The following KIAA1217 variants were observed in gnomAD, a reference collection of about 807,000 sequenced individuals.
KIAA1217 encodes sickle tail protein homolog.
KIAA1217 carries 88 observed loss-of-function variants against 163.9 expected under a neutral mutation model. The observed-to-expected ratio is 0.54, with a 90% CI of 0.45 to 0.64. The LOEUF (loss-of-function observed/expected upper bound fraction) is 0.64, where lower values mean the gene tolerates loss of function less well. Ranked by LOEUF, KIAA1217 falls within the 30% of genes least tolerant of loss-of-function variation. KIAA1217 has a pLI of 0.00. For synonymous variants in KIAA1217, 903 were observed against 923.1 expected (o/e 0.98, Z 0.39); for missense variants, 2,372 against 2,475.0 (o/e 0.96, Z 0.88).
chr10:24,027,484 T>C (rs1340957933), intron 2 of KIAA1217, among the ~76,000 whole-genome samples: 6 of 152,206 alleles, frequency 3.9e-5, no homozygotes, highest in Admixed American at 3.9e-4. Context: ...AGTCATATTA[T>C]GTTTCATCAT....
intron 8 of KIAA1217, among the ~76,000 whole-genome samples, chr10:24,501,096 A>AAAAC (rs57471437): frequency 0.021 from 3,231 of 151,546 alleles, 42 homozygotes; most frequent in South Asian, 0.06. Flanking sequence ...ATAAAAAAAA[A>AAAAC]ATAAACAAAA....
At chr10:23,709,395 G>T (rs942640822) in intron 1 of KIAA1217, among the ~76,000 whole-genome samples, 1 of 152,028 alleles carries the variant, frequency 6.6e-6, no homozygotes, top group Non-Finnish European at 1.5e-5. Flanking sequence ...AGGCACGGTG[G>T]TTACACACCT....
intron 1 of KIAA1217, among the ~76,000 whole-genome samples, chr10:23,909,100 G>A (rs554046990): frequency 6.6e-6 from 1 of 152,128 alleles, no homozygotes; most frequent in African/African-American, 2.4e-5. Flanking sequence ...AGTAACTCAG[G>A]AATGGTAACC....
intron 2 of KIAA1217, among the ~76,000 whole-genome samples, chr10:24,196,710 G>A (rs2067007067): frequency 6.6e-6 from 1 of 152,200 alleles, no homozygotes; most frequent in African/African-American, 2.4e-5. Context: ...TAACTCTGCA[G>A]TAAGTGAAGT....
Position 24,161,230 on chromosome 10 carries a change from G to C in KIAA1217, c.-170-58396G>C, listed in dbSNP as rs78831903. On this transcript the variant is annotated intron_variant, in intron 2 of 18. Transcript: ENST00000376462. ...GAAACATGTTCTGGGAAACTCCTTC[G>C]CCATAAAATGTTAAGAACAGAGAGC... is the stretch of plus-strand genomic sequence containing the variant. 1.9e-4 allele frequency among the ~76,000 whole-genome samples: 29 copies of C among 152,212 alleles called. No homozygotes were observed. In the East Asian group the frequency reaches 4.6e-3, roughly 24 times the overall value.
intron 1 of KIAA1217, among the ~76,000 whole-genome samples, chr10:23,932,316 G>T (rs537685171): frequency 6.6e-6 from 1 of 151,964 alleles, no homozygotes; most frequent in South Asian, 2.1e-4. Context: ...CTTAGCTCTC[G>T]CTTATTTAAT....
At chr10:24,377,223 T>C (rs1056634096) in intron 2 of KIAA1217, among the ~76,000 whole-genome samples, 1 of 152,054 alleles carries the variant, frequency 6.6e-6, no homozygotes, top group African/African-American at 2.4e-5. Context: ...GGTTTGCGGG[T>C]TTGGGGTTGC....
chr10:24,397,872 C>A (rs2056026403), intron 3 of KIAA1217, among the ~76,000 whole-genome samples: 1 of 152,170 alleles, frequency 6.6e-6, no homozygotes, highest in Non-Finnish European at 1.5e-5. Context: ...AAAGAGGGCA[C>A]TGAGTGTACC....
intron 14 of KIAA1217, among the ~76,000 whole-genome samples, chr10:24,531,555 G>A (rs531769328): frequency 6.6e-6 from 1 of 152,030 alleles, no homozygotes; most frequent in Non-Finnish European, 1.5e-5. Flanking sequence ...CAGCGTATAA[G>A]TCATTCAATC....
intron 1 of KIAA1217, among the ~76,000 whole-genome samples, chr10:23,735,778 A>T (rs1204990134): frequency 6.6e-6 from 1 of 152,126 alleles, no homozygotes; most frequent in East Asian, 1.9e-4. Context: ...AAACACCTTT[A>T]TTGAGTTATA....
chr10:24,321,704 T>A (rs1459855508), intron 2 of KIAA1217, among the ~76,000 whole-genome samples: 1 of 152,142 alleles, frequency 6.6e-6, no homozygotes, highest in Non-Finnish European at 1.5e-5. Flanking sequence ...TTGTATGAAG[T>A]ACTTAGGGTA....
At chr10:23,914,753 C>T (rs1263763335) in intron 1 of KIAA1217, among the ~76,000 whole-genome samples, 1 of 152,148 alleles carries the variant, frequency 6.6e-6, no homozygotes, top group African/African-American at 2.4e-5. Flanking sequence ...GTGCAACACC[C>T]AGTGCTTAGG....
chr10:24,380,846 T>C lies in KIAA1217; in HGVS notation c.355-23T>C, dbSNP rs532099437. The C allele has an allele frequency of 3.4e-6, 5 of 1,483,030 alleles. No individual in the cohort carries two copies. In the East Asian group the frequency reaches 1.2e-4, roughly 35 times the overall value. 91.9% of individuals were successfully genotyped at this position (1,483,030 alleles called of 1,614,324 possible). A position where few individuals can be genotyped will look rare whatever the true frequency, so the allele number is the denominator to read the frequency against. The stretch of plus-strand genomic sequence containing the variant: ...GATTAATAATAGTCTATTTTCCCAC[T>C]TTCTTTAAAATGCCTTTTGCAGACA... On this transcript the variant is annotated intron_variant, in intron 2 of 20. Transcript: ENST00000376454.
chr10:24,520,018 TG>T, intron 10 of KIAA1217, 104 bp from the exon 11 acceptor site: 1 of 1,315,014 alleles, frequency 7.6e-7, no homozygotes, highest in Non-Finnish European at 1.1e-6. Flanking sequence ...GGGGAGGAGC[TG>T]GGGCTCTACA....
chr10:23,812,132 A>T (rs10828554), intron 1 of KIAA1217, among the ~76,000 whole-genome samples: 31,569 of 152,090 alleles, frequency 0.21, 3,419 homozygotes, highest in Middle Eastern at 0.29. Flanking sequence ...ATATTATGGG[A>T]AACCCAGCTG....
At chr10:23,997,962 A>C (rs1167470210) in intron 1 of KIAA1217, among the ~76,000 whole-genome samples, 1 of 149,080 alleles carries the variant, frequency 6.7e-6, no homozygotes, top group African/African-American at 2.5e-5. Flanking sequence ...TGAAGCCAGG[A>C]GGTATGGAGA....
chr10:24,477,711 TG>T (rs1208416470), intron 6 of KIAA1217, among the ~76,000 whole-genome samples: 1 of 152,226 alleles, frequency 6.6e-6, no homozygotes, highest in African/African-American at 2.4e-5. Flanking sequence ...AGCACAATTA[TG>T]CAGAAATAGG....
Position 23,927,810 on chromosome 10 carries a change from C to CT in KIAA1217, c.-320-79410dup, listed in dbSNP as rs558836484. Reference sequence around the variant, plus strand: ...TCAGGCCTCCGGAGACAGTAAGATTCTTTTTCAGGCTTACTTCTGAAACTA... The same window carrying CT: ...TCAGGCCTCCGGAGACAGTAAGATTCTTTTTTCAGGCTTACTTCTGAAACTA... On this transcript the variant is annotated intron_variant, in intron 1 of 18. Transcript: ENST00000376462. 1.4e-4 allele frequency among the ~76,000 whole-genome samples: 22 copies of CT among 152,236 alleles called. No homozygotes were observed. In the South Asian group the frequency reaches 4.4e-3, roughly 30 times the overall value.
intron 6 of KIAA1217, chr10:24,481,911 A>G (rs566781852): frequency 1.3e-5 from 2 of 152,302 alleles, no homozygotes; most frequent in African/African-American, 4.8e-5. Context: ...AAAATTTGCT[A>G]TACTTTTACC....
Sources: allele counts gnomAD v4.1 joint callset (sites outside exome capture counted in the v4.1 genomes callset), GRCh38; gene constraint gnomAD v4.1.1; transcripts MANE v1.5; gene names NCBI Gene and HGNC (gene_info 2026-07-23, HGNC 2026-07-21).